The following RIN3 variants were observed in gnomAD, a reference collection of about 807,000 sequenced individuals.
RIN3 encodes Ras and Rab interactor 3, also known as RAB5 interacting protein 3.
Under a neutral mutation model 76.3 loss-of-function variants are expected in RIN3, and 54 were observed. The observed-to-expected ratio is 0.71, with a 90% CI of 0.57 to 0.89. The LOEUF is 0.89. Ranked by LOEUF, RIN3 falls within the 40% of genes least tolerant of loss-of-function variation. The pLI, the probability that RIN3 is intolerant of heterozygous loss-of-function variation, is 0.00. For missense variants in RIN3, 1,256 were observed against 1,322.1 expected, an observed-to-expected ratio of 0.95 and a Z score of 0.78; for synonymous variants, 576 against 564.0, an observed-to-expected ratio of 1.02 and a Z score of -0.30.
At chr14:92,582,087 TAA>T in intron 3 of RIN3, among the ~76,000 whole-genome samples, 1 of 152,314 alleles carries the variant, frequency 6.6e-6, no homozygotes, top group South Asian at 2.1e-4. Flanking sequence ...GGATTCTTGC[TAA>T]AACTGGATTT....
chr14:92,577,352 G>C lies in RIN3; in HGVS notation c.250-8G>C. The C allele has an allele frequency of 6.2e-7, 1 of 1,603,074 alleles. No homozygotes were observed. The highest frequency in any genetic ancestry group is 8.5e-7 in the Non-Finnish European group (1 of 1,170,666). The stretch of plus-strand genomic sequence containing the variant: ...TTCACGGAGCTGCATCCCCTTCTTT[G>C]GTTTCAGATGTTCCTGGTTCGCCGG... On this transcript the variant is annotated splice_polypyrimidine_tract_variant and splice_region_variant and intron_variant, in intron 2 of 9. Transcript: ENST00000216487.
At chr14:92,647,877 G>A (rs1393749344) in intron 5 of RIN3, among the ~76,000 whole-genome samples, 2 of 152,142 alleles carry the variant, frequency 1.3e-5, no homozygotes, top group Non-Finnish European at 2.9e-5. Context: ...ACAGGCCTTG[G>A]GGCCAGCAAA....
rs74773352 is a variant in RIN3, at chr14:92,654,771, G to A, written c.2026+1696G>A. Among the ~76,000 whole-genome samples, 7 of 152,334 alleles carry A rather than the reference G, an allele frequency of 4.6e-5. No individual in the cohort carries two copies. In the East Asian group the frequency reaches 9.6e-4, roughly 21 times the overall value. The stretch of plus-strand genomic sequence containing the variant: ...AAAGAGTTATTGGGCACCCAACTCC[G>A]CATCAGGTGCTGGCTCAGATATAGA... On this transcript the variant is annotated intron_variant, in intron 6 of 9. Transcript: ENST00000216487.
chr14:92,525,652 C>T (rs1329587437), intron 1 of RIN3, among the ~76,000 whole-genome samples: 5 of 152,178 alleles, frequency 3.3e-5, no homozygotes, highest in East Asian at 3.9e-4. Context: ...GGAGAGGGTC[C>T]AGCCACAGGA....
At chr14:92,667,115 A>AT in intron 7 of RIN3, among the ~76,000 whole-genome samples, 1 of 152,168 alleles carries the variant, frequency 6.6e-6, no homozygotes, top group African/African-American at 2.4e-5. Context: ...GGGGCTCTTG[A>AT]TGGGGACCCC....
At chr14:92,602,936 G>A (rs937547459) in intron 3 of RIN3, among the ~76,000 whole-genome samples, 7 of 152,178 alleles carry the variant, frequency 4.6e-5, no homozygotes, top group Admixed American at 4.6e-4. Context: ...CCCTGTCCAG[G>A]GCTGCAACCT....
intron 3 of RIN3, among the ~76,000 whole-genome samples, chr14:92,601,983 G>A (rs993240135): frequency 4.6e-5 from 7 of 152,208 alleles, no homozygotes; most frequent in East Asian, 1.9e-4. Flanking sequence ...TGCTCAATAC[G>A]AAGAGCAGCT....
intron 4 of RIN3, among the ~76,000 whole-genome samples, chr14:92,619,255 A>T (rs926742589): frequency 1.3e-5 from 2 of 152,136 alleles, no homozygotes; most frequent in Non-Finnish European, 2.9e-5. Flanking sequence ...GGCATCAGGA[A>T]AGACAATTTT....
chr14:92,589,842 C>G (rs141794505), intron 3 of RIN3, among the ~76,000 whole-genome samples: 121 of 152,346 alleles, frequency 7.9e-4, no homozygotes, highest in African/African-American at 2.6e-3. Flanking sequence ...GAAGTCATCA[C>G]TTGGTCCTAA....
chr14:92,682,987 G>A (rs1041427471), intron 8 of RIN3, among the ~76,000 whole-genome samples: 4 of 152,126 alleles, frequency 2.6e-5, no homozygotes, highest in Non-Finnish European at 4.4e-5. Flanking sequence ...CCAACATGGT[G>A]AAACCGCGTT....
chr14:92,649,241 A>G (rs980945867), intron 5 of RIN3, among the ~76,000 whole-genome samples: 1 of 151,878 alleles, frequency 6.6e-6, no homozygotes, highest in Non-Finnish European at 1.5e-5. Context: ...TATGTTATCT[A>G]CCCCCATGAC....
intron 8 of RIN3, among the ~76,000 whole-genome samples, chr14:92,683,821 A>C (rs1888749591): frequency 1.3e-5 from 2 of 152,224 alleles, no homozygotes; most frequent in African/African-American, 4.8e-5. Context: ...CATAATTAAA[A>C]TTTCCTCTCT....
chr14:92,688,090 C>T lies in RIN3; in HGVS notation c.2796C>T (p.Phe932=). The T allele has an allele frequency of 6.2e-7, 1 of 1,607,104 alleles. No individual in the cohort carries two copies. Among genetic ancestry groups the T allele is most frequent in the Non-Finnish European group, 8.5e-7 (1 of 1,177,656 alleles). The part of the protein sequence containing the change: ...RLFVLVDGRC[F]QLADDALPHC... The stretch of plus-strand genomic sequence containing the variant: ...TCGTGCTGGTGGACGGGCGCTGCTT[C>T]CAGCTGGCGGACGACGCGCTGCCGC... The change falls in exon 10 of 10, where the codon TTC becomes TTT. Residue 932 remains phenylalanine (F), a synonymous_variant. Coordinates refer to ENST00000216487, the MANE Select transcript of RIN3 (RefSeq NM_024832.5).
At chr14:92,519,734 C>T (rs1417148620) in intron 1 of RIN3, among the ~76,000 whole-genome samples, 4 of 152,206 alleles carry the variant, frequency 2.6e-5, no homozygotes, top group African/African-American at 4.8e-5. Context: ...GCGGCAGTGA[C>T]GCTGTGTGCC....
chr14:92,558,514 C>T (rs1215928377), intron 2 of RIN3, among the ~76,000 whole-genome samples: 5 of 152,144 alleles, frequency 3.3e-5, no homozygotes, highest in Admixed American at 3.3e-4. Context: ...ATAATGAAAC[C>T]GAGGCTAAGA....
chr14:92,603,532 A>C (rs1315341602), intron 3 of RIN3, among the ~76,000 whole-genome samples: 1 of 152,190 alleles, frequency 6.6e-6, no homozygotes, highest in Non-Finnish European at 1.5e-5. Context: ...GCAAGTCTCA[A>C]GAGTCTCATG....
At chr14:92,575,369 A>G (rs1343761773) in intron 2 of RIN3, among the ~76,000 whole-genome samples, 2 of 152,196 alleles carry the variant, frequency 1.3e-5, no homozygotes, top group East Asian at 3.9e-4. Flanking sequence ...GACACAAGAA[A>G]GAATTTGGGG....
chr14:92,556,027 C>T, intron 2 of RIN3, 72 bp downstream of exon 2: 1 of 1,261,490 alleles, frequency 7.9e-7, no homozygotes, highest in Non-Finnish European at 1.1e-6. Flanking sequence ...CACACCTGCC[C>T]TGGCTCCCAC....
In RIN3 at chr14:92,570,066, C is replaced by G. The variant is rs565938895; in HGVS notation, c.250-7294C>G. On this transcript the variant is annotated intron_variant, in intron 2 of 9. Transcript: ENST00000216487. ...AAGATGGGGCAGCCCTGCCATGTGGCTGTGCTTCTAACCAGTGACCTGGGT... is the reference window on the plus strand; with the variant it reads ...AAGATGGGGCAGCCCTGCCATGTGGGTGTGCTTCTAACCAGTGACCTGGGT... 2.0e-5 allele frequency among the ~76,000 whole-genome samples: 3 copies of G among 152,346 alleles called. No homozygotes were observed. The East Asian group carries it at 5.8e-4, about 29-fold the overall frequency.
Sources: gnomAD v4.1 joint callset for allele counts (sites outside exome capture counted in the v4.1 genomes callset) on GRCh38, gnomAD v4.1.1 for gene constraint, MANE v1.5 for transcripts, NCBI Gene and HGNC (gene_info 2026-07-23, HGNC 2026-07-21) for gene names.